The following NR4A2 variants were observed in gnomAD, a reference collection of about 807,000 sequenced individuals.
NR4A2 encodes the protein nuclear receptor subfamily 4 group A member 2.
Under a neutral mutation model 50.5 loss-of-function variants are expected in NR4A2, and 1 was observed. The observed-to-expected ratio is 0.02, with a 90% CI of 0.01 to 0.09. NR4A2 has a LOEUF of 0.09. NR4A2 is among the 10% of genes least tolerant of loss of function. The pLI, the probability that NR4A2 is intolerant of heterozygous loss-of-function variation, is 1.00. For synonymous variants in NR4A2, 328 were observed against 309.4 expected (o/e 1.06, Z -0.63); for missense variants, 613 against 777.3 (o/e 0.79, Z 2.51).
rs1686557326 is a variant in NR4A2, at chr2:156,324,544, AG to A, written c.*1199del. The A allele has an allele frequency of 6.6e-6, 1 of 152,640 alleles. No individual in the cohort carries two copies. The highest frequency in any genetic ancestry group is 1.5e-5 in the Non-Finnish European group (1 of 68,036). The allele number at this position is 152,640 out of a possible 1,614,324, so 9.5% of individuals were successfully genotyped here. A position where few individuals can be genotyped will look rare whatever the true frequency, so the allele number is the denominator to read the frequency against. On this transcript the variant is annotated 3_prime_UTR_variant, in exon 8 of 8. Transcript: ENST00000339562. ...TAACTGTCATACACCATAGAAAAAA[AG>A]GCAGTGACTCATATCATGTGCCATA...
Position 156,325,909 on chromosome 2 carries a change from C to T in NR4A2, c.1632G>A (p.Gly544=). The T allele has an allele frequency of 6.2e-7, 1 of 1,614,206 alleles. No individual in the cohort carries two copies. The highest frequency in any genetic ancestry group is 8.5e-7 in the Non-Finnish European group (1 of 1,180,044). The change falls in exon 8 of 8, where the codon GGG becomes GGA. Residue 544 remains glycine, a synonymous_variant. Transcript: ENST00000339562. ...CLKDHVTFNN[G]GLNRPNYLSK... is the part of the protein sequence containing the mutation. ...ACAAATAATTGGGGCGGTTCAACCC[C>T]CCATTGTTGAAAGTCACGTGGTCTT...
chr2:156,330,281 G>T, intron 2 of NR4A2, 93 bp from the exon 3 acceptor site: 2 of 1,491,508 alleles, frequency 1.3e-6, no homozygotes, highest in Non-Finnish European at 1.8e-6. Flanking sequence ...CCGGCAGCCC[G>T]CGGCAGTCAG....
Position 156,325,697 on chromosome 2 carries a change from AG to A in NR4A2, c.*46del. The A allele has an allele frequency of 6.2e-7, 1 of 1,612,248 alleles. No individual in the cohort carries two copies. Among genetic ancestry groups the A allele is most frequent in the Non-Finnish European group, 8.5e-7 (1 of 1,179,300 alleles). ...CCCATGTGACTTGCCCCCTCTTGAC[AG>A]TTTCCATTATCATTCCAGTTCCTTT... is the stretch of plus-strand genomic sequence containing the variant. On this transcript the variant is annotated 3_prime_UTR_variant, in exon 8 of 8. Coordinates refer to ENST00000339562, the MANE Select transcript of NR4A2 (RefSeq NM_006186.4).
chr2:156,329,878 G>T lies in NR4A2; in HGVS notation c.309C>A (p.His103Gln). The change falls in exon 3 of 8, where the codon CAC becomes CAA. Residue 103 changes from histidine to glutamine, a missense_variant. By Grantham distance (24) the His-to-Gln change is conservative. Transcript: ENST00000339562. This position sits in a 1 kb window ranked among gnomAD's most constrained non-coding sequence, Gnocchi z 7.5. ...CCTCAGACTGGGGGGGCAGGTGGCTGTGTTGCTGGTAGTTGTGCATCTGAA... is the reference window on the plus strand; with the variant it reads ...CCTCAGACTGGGGGGGCAGGTGGCTTTGTTGCTGGTAGTTGTGCATCTGAA... ...EDIQMHNYQQ[H>Q]SHLPPQSEEM... is the part of the protein sequence containing the mutation. The T allele has an allele frequency of 6.2e-7, 1 of 1,614,200 alleles. No individual in the cohort carries two copies. Among genetic ancestry groups the T allele is most frequent in the Non-Finnish European group, 8.5e-7 (1 of 1,180,038 alleles).
intron 2 of NR4A2, 22 bp from the exon 3 acceptor site, chr2:156,330,210 AAC>A (rs759814213): frequency 6.2e-7 from 1 of 1,613,458 alleles, no homozygotes; most frequent in Admixed American, 1.7e-5. Flanking sequence ...ACAGGGTGAT[AAC>A]ACACTCAGCC....
chr2:156,331,230 G>A (rs548749278), intron 1 of NR4A2, among the ~76,000 whole-genome samples: 70 of 152,254 alleles, frequency 4.6e-4, no homozygotes, highest in African/African-American at 1.4e-3. Flanking sequence ...TGGTAGAGGG[G>A]AAGAAAGTAG....
intron 1 of NR4A2, 71 bp downstream of exon 1, chr2:156,332,409 G>A (rs752781368): frequency 2.5e-6 from 3 of 1,210,364 alleles, no homozygotes; most frequent in Middle Eastern, 2.2e-4. Flanking sequence ...CCACACAAGT[G>A]GAAAGAAGAG....
Position 156,329,789 on chromosome 2 carries a change from G to C in NR4A2, c.398C>G (p.Pro133Arg). ...GGGGCTGTGCTGCACCTGGAAGCCCGGGGTGGTGGGCGTCGGGGGCGAGGA... is the reference window on the plus strand; with the variant it reads ...GGGGCTGTGCTGCACCTGGAAGCCCCGGGTGGTGGGCGTCGGGGGCGAGGA... Reference protein sequence around the residue: ...KPSSPPTPTTPGFQVQHSPMW... With the variant: ...KPSSPPTPTTRGFQVQHSPMW... The change falls in exon 3 of 8, where the codon CCG (proline) becomes CGG (arginine). Residue 133 changes from proline to arginine, a missense_variant. By Grantham distance (103) the Pro-to-Arg change is moderately radical. Around this residue, in one of 4 missense-constraint regions of NR4A2, gnomAD observed 275 missense variants for 248.9 expected, o/e 1.10. Transcript: ENST00000339562. This position sits in a 1 kb window ranked among gnomAD's most constrained non-coding sequence, Gnocchi z 7.5. 6.2e-7 allele frequency: 1 copy of C among 1,613,564 alleles called. No individual in the cohort carries two copies. The highest frequency in any genetic ancestry group is 1.1e-5 in the South Asian group (1 of 91,074).
At chr2:156,331,974 G>C (rs550010706) in intron 1 of NR4A2, 45 of 159,202 alleles carry the variant, frequency 2.8e-4, no homozygotes, top group Admixed American at 1.1e-3. Flanking sequence ...TTAGTAACAG[G>C]ACACGCTACC....
rs749673702 is a variant in NR4A2, at chr2:156,326,017, C to G, written c.1541-17G>C. 14 of 1,614,082 alleles carry G rather than the reference C, an allele frequency of 8.7e-6. No individual in the cohort carries two copies. Among genetic ancestry groups the G allele is most frequent in the Non-Finnish European group, 1.0e-5 (12 of 1,180,010 alleles). The stretch of plus-strand genomic sequence containing the variant: ...CGTGTCTCTCTGCAGAAAACATAAT[C>G]AGAAACAAAAGAAGAATGTACAAGA... On this transcript the variant is annotated splice_polypyrimidine_tract_variant and intron_variant, in intron 7 of 7. Coordinates refer to ENST00000339562, the MANE Select transcript of NR4A2 (RefSeq NM_006186.4). The surrounding 1 kb of genome is among the most constrained non-coding windows in gnomAD (Gnocchi z 4.2).
chr2:156,329,932 T>A lies in NR4A2; in HGVS notation c.255A>T (p.Gly85=). 6.2e-7 allele frequency: 1 copy of A among 1,614,174 alleles called. No individual in the cohort carries two copies. Among genetic ancestry groups the A allele is most frequent in the Non-Finnish European group, 8.5e-7 (1 of 1,180,028 alleles). The change falls in exon 3 of 8, where the codon GGA becomes GGT. Residue 85 remains glycine (G), a synonymous_variant. Transcript: ENST00000339562. The surrounding 1 kb of genome is among the most constrained non-coding windows in gnomAD (Gnocchi z 7.5). ...CTTCTACCTTAATGGAGGACTGCTG[T>A]CCGGACAGGGGCATTTGGTACAAGC... The part of the protein sequence containing the change: ...PPCLYQMPLS[G]QQSSIKVEDI...
intron 5 of NR4A2, among the ~76,000 whole-genome samples, chr2:156,327,179 A>G (rs1398595314): frequency 6.6e-6 from 1 of 152,188 alleles, no homozygotes; most frequent in African/African-American, 2.4e-5. Flanking sequence ...GTTCACTCTT[A>G]TCTCCACAAA....
intron 5 of NR4A2, among the ~76,000 whole-genome samples, chr2:156,327,188 A>G (rs1409767434): frequency 6.6e-6 from 1 of 152,180 alleles, no homozygotes; most frequent in Admixed American, 6.5e-5. Flanking sequence ...TATCTCCACA[A>G]AACAATTGAC....
chr2:156,332,482 A>C lies in NR4A2; in HGVS notation c.-129T>G. ...CTGCATGGGCTGCATCTACTCACTT[A>C]GGAGTTCTCCGCGTCTGTCTTCATT... On this transcript the variant is annotated splice_region_variant and 5_prime_UTR_variant, in exon 1 of 8. An upstream open reading frame in the 5' UTR loses its in-frame stop. Transcript: ENST00000339562. The C allele has an allele frequency of 7.8e-7, 1 of 1,289,170 alleles. No individual in the cohort carries two copies. The highest frequency in any genetic ancestry group is 1.2e-5 in the South Asian group (1 of 81,024). The allele number at this position is 1,289,170 out of a possible 1,614,324, so 79.9% of individuals were successfully genotyped here. A position where few individuals can be genotyped will look rare whatever the true frequency, so the allele number is the denominator to read the frequency against.
chr2:156,330,714 T>G lies in NR4A2; in HGVS notation c.-49A>C. ...TTTCGAGGAAATTAAAGGTGGACAG[T>G]GTCGTAATTCAATGAAGGACAAAGT... is the stretch of plus-strand genomic sequence containing the variant. On this transcript the variant is annotated 5_prime_UTR_variant, in exon 2 of 8. Transcript: ENST00000339562. 1 of 1,266,894 alleles carries G rather than the reference T, an allele frequency of 7.9e-7. No individual in the cohort carries two copies. Among genetic ancestry groups the G allele is most frequent in the Non-Finnish European group, 9.9e-7 (1 of 1,006,866 alleles). 78.5% of individuals were successfully genotyped at this position (1,266,894 alleles called of 1,614,324 possible).
rs1271074050 is a variant in NR4A2, at chr2:156,332,541, G to C, written c.-188C>G. 1 of 1,288,386 alleles carries C rather than the reference G, an allele frequency of 7.8e-7. No individual in the cohort carries two copies. The highest frequency in any genetic ancestry group is 2.3e-5 in the Admixed American group (1 of 43,568). The allele number at this position is 1,288,386 out of a possible 1,614,324, so 79.8% of individuals were successfully genotyped here. A position where few individuals can be genotyped will look rare whatever the true frequency, so the allele number is the denominator to read the frequency against. ...TCTGCCGAAGTGCAGTTCCCTCTGGGAGCCCGGGCGCCGGGGTCGGGTAGG... is the reference window on the plus strand; with the variant it reads ...TCTGCCGAAGTGCAGTTCCCTCTGGCAGCCCGGGCGCCGGGGTCGGGTAGG... On this transcript the variant is annotated 5_prime_UTR_variant, in exon 1 of 8. Coordinates refer to ENST00000339562, the MANE Select transcript of NR4A2 (RefSeq NM_006186.4).
intron 5 of NR4A2, among the ~76,000 whole-genome samples, chr2:156,327,392 T>A (rs1312418851): frequency 1.3e-5 from 2 of 152,250 alleles, no homozygotes; most frequent in African/African-American, 4.8e-5. Context: ...TTACACCCTC[T>A]CCTTCCCTTC....
intron 1 of NR4A2, 32 bp from the exon 2 acceptor site, chr2:156,330,823 T>G: frequency 1.6e-6 from 2 of 1,240,330 alleles, no homozygotes; most frequent in African/African-American, 1.5e-5. Context: ...CTTCAGGGTT[T>G]CTTCCCGACA....
At chr2:156,330,568 A>G (rs534503355) in intron 2 of NR4A2, 100 bp downstream of exon 2, 2 of 1,280,256 alleles carry the variant, frequency 1.6e-6, no homozygotes, top group African/African-American at 3.0e-5. Flanking sequence ...CCCGAAGGCG[A>G]TGGGTCGGGC....
Sources: allele counts gnomAD v4.1 joint callset (sites outside exome capture counted in the v4.1 genomes callset), GRCh38; gene constraint gnomAD v4.1.1; regional missense constraint gnomAD v4.1.1; non-coding constraint Gnocchi (gnomAD v3.1); transcripts MANE v1.5; gene names NCBI Gene and HGNC (gene_info 2026-07-23, HGNC 2026-07-21).